CALN1: variants seen among roughly 807,000 people sequenced by gnomAD.
CALN1 encodes the protein calcium-binding protein 8.
Under a neutral mutation model 30.6 loss-of-function variants are expected in CALN1, and 17 were observed. The observed-to-expected ratio is 0.56, with a 90% CI of 0.38 to 0.83. The LOEUF is 0.83. Ranked by LOEUF, CALN1 falls within the 40% of genes least tolerant of loss-of-function variation. CALN1 has a pLI of 0.00. For synonymous variants in CALN1, 156 were observed against 131.4 expected, an observed-to-expected ratio of 1.19 and a Z score of -1.28; for missense variants, 291 against 354.9, an observed-to-expected ratio of 0.82 and a Z score of 1.45.
intron 1 of CALN1, among the ~76,000 whole-genome samples, chr7:72,408,411 C>T (rs1228346415): frequency 3.9e-5 from 6 of 152,026 alleles, no homozygotes; most frequent in Non-Finnish European, 8.8e-5. Context: ...CGCCACTACA[C>T]TCCAGCCTGG....
intron 1 of CALN1, among the ~76,000 whole-genome samples, chr7:72,417,370 G>A (rs541316580): frequency 3.9e-5 from 6 of 152,164 alleles, no homozygotes; most frequent in Non-Finnish European, 8.8e-5. Flanking sequence ...CAGGTTGCAG[G>A]AACCACAACC....
intron 2 of CALN1, among the ~76,000 whole-genome samples, chr7:72,306,149 A>T (rs1799634307): frequency 6.6e-6 from 1 of 152,334 alleles, no homozygotes; most frequent in Non-Finnish European, 1.5e-5. Flanking sequence ...ACATGACAAG[A>T]CAAGGAAGAA....
In CALN1 at chr7:72,429,373, G is replaced by A. The variant is rs114717967; in HGVS notation, c.-225-17098C>T. Among the ~76,000 whole-genome samples, 381 of 152,174 alleles carry A rather than the reference G, an allele frequency of 2.5e-3. 2 individuals carry two copies. Among genetic ancestry groups the A allele is most frequent in the African/African-American group, 8.7e-3 (361 of 41,506 alleles). On this transcript the variant is annotated intron_variant, in intron 1 of 6. Coordinates refer to the CALN1 transcript ENST00000395276. Reference sequence around the variant, plus strand: ...CACCTAGAATAGCAAATGGCTCGTCGAAAATATCCCCCAAAAATGAATGTG... The same window carrying A: ...CACCTAGAATAGCAAATGGCTCGTCAAAAATATCCCCCAAAAATGAATGTG...
At chr7:72,407,454 C>G (rs999863173) in intron 1 of CALN1, among the ~76,000 whole-genome samples, 1 of 152,138 alleles carries the variant, frequency 6.6e-6, no homozygotes, top group Non-Finnish European at 1.5e-5. Context: ...TTCCCACTTT[C>G]ATGCTGTTCT....
chr7:71,870,808 T>C (rs1448300025), intron 5 of CALN1, among the ~76,000 whole-genome samples: 1 of 152,210 alleles, frequency 6.6e-6, no homozygotes, highest in Admixed American at 6.5e-5. Context: ...TGTATTTTAC[T>C]TATTCTGAAT....
chr7:72,284,392 G>A (rs866227538), intron 2 of CALN1, among the ~76,000 whole-genome samples: 5 of 152,214 alleles, frequency 3.3e-5, no homozygotes, highest in Admixed American at 2.6e-4. Context: ...CAACTTGACT[G>A]GGCCATGGGT....
chr7:72,477,473 A>G, the CALN1 span, among the ~76,000 whole-genome samples: 23,836 of 152,072 alleles, frequency 0.16, 2,073 homozygotes, highest in Non-Finnish European at 0.19. Flanking sequence ...GCTGAGGTGC[A>G]GTGGCATGAT....
At chr7:71,950,025 G>C (rs1478729068) in intron 5 of CALN1, among the ~76,000 whole-genome samples, 1 of 152,130 alleles carries the variant, frequency 6.6e-6, no homozygotes, top group African/African-American at 2.4e-5. Flanking sequence ...GCCTCCCAAA[G>C]TGTTGGGATT....
chr7:72,016,067 G>C (rs1046030538), intron 5 of CALN1, among the ~76,000 whole-genome samples: 18 of 151,962 alleles, frequency 1.2e-4, no homozygotes, highest in Non-Finnish European at 2.5e-4. Flanking sequence ...TGGCCAACAC[G>C]GTGAAACCCC....
At chr7:72,250,347 T>C (rs1036511149) in intron 3 of CALN1, among the ~76,000 whole-genome samples, 5 of 152,332 alleles carry the variant, frequency 3.3e-5, no homozygotes, top group African/African-American at 4.8e-5. Flanking sequence ...AACCTCTCCA[T>C]GCCTTAGCAT....
chr7:72,331,516 C>G (rs557712283), intron 2 of CALN1, among the ~76,000 whole-genome samples: 2 of 152,080 alleles, frequency 1.3e-5, no homozygotes, highest in African/African-American at 4.8e-5. Context: ...GTAACAATAA[C>G]GGAGGACAGG....
chr7:72,202,171 AAAT>A (rs1791484935), intron 3 of CALN1, among the ~76,000 whole-genome samples: 1 of 152,228 alleles, frequency 6.6e-6, no homozygotes, highest in Admixed American at 6.5e-5. Context: ...AAAAGCATTT[AAAT>A]ATCCACATGG....
At chr7:72,158,999 T>A (rs1275404206) in intron 3 of CALN1, among the ~76,000 whole-genome samples, 1 of 152,026 alleles carries the variant, frequency 6.6e-6, no homozygotes, top group Non-Finnish European at 1.5e-5. Flanking sequence ...ATTACAGGCA[T>A]AAGCCACTAT....
intron 2 of CALN1, among the ~76,000 whole-genome samples, chr7:72,321,735 C>T (rs1371850774): frequency 2.0e-5 from 3 of 152,280 alleles, no homozygotes; most frequent in Admixed American, 6.5e-5. Context: ...GTGCCTTTAA[C>T]GTGACTATAC....
Position 72,341,837 on chromosome 7 carries a change from C to G in CALN1, c.119+61414G>C, listed in dbSNP as rs1001068097. On this transcript the variant is annotated intron_variant, in intron 2 of 6. Coordinates refer to ENST00000395275, the MANE Select transcript of CALN1 (RefSeq NM_031468.4). ...TGGCTCCAGGCATAGAGTAAGCTTT[C>G]AATAAATGTTGGCTGTTGTTACAAG... 3.9e-5 allele frequency among the ~76,000 whole-genome samples: 6 copies of G among 152,010 alleles called. 1 individual carries two copies. The highest frequency in any genetic ancestry group is 4.1e-4 in the South Asian group (2 of 4,824).
chr7:72,316,819 C>A (rs538080278), intron 2 of CALN1, among the ~76,000 whole-genome samples: 84 of 151,878 alleles, frequency 5.5e-4, no homozygotes, highest in African/African-American at 1.9e-3. Flanking sequence ...GTGTCACATG[C>A]GTGTAGTCCC....
At chr7:72,008,361 A>C (rs894328151) in intron 5 of CALN1, among the ~76,000 whole-genome samples, 3 of 141,820 alleles carry the variant, frequency 2.1e-5, no homozygotes, top group Non-Finnish European at 4.4e-5. Context: ...TACATATAAA[A>C]ATCTCCAGAA....
chr7:72,498,637 A>G, the CALN1 span, among the ~76,000 whole-genome samples: 1 of 152,172 alleles, frequency 6.6e-6, no homozygotes, highest in Non-Finnish European at 1.5e-5. Context: ...TTCAGTTGAG[A>G]TCATTTTTTG....
chr7:72,244,113 T>C (rs1795014067), intron 3 of CALN1, among the ~76,000 whole-genome samples: 1 of 152,208 alleles, frequency 6.6e-6, no homozygotes, highest in Non-Finnish European at 1.5e-5. Context: ...GAAGGTACAA[T>C]GCATGGGCTG....
Sources: allele counts gnomAD v4.1 joint callset (sites outside exome capture counted in the v4.1 genomes callset), GRCh38; gene constraint gnomAD v4.1.1; transcripts MANE v1.5; gene names NCBI Gene and HGNC (gene_info 2026-07-23, HGNC 2026-07-21).